Variants in NCKAP5 observed in about 807,000 individuals in gnomAD.
NCKAP5 encodes the protein NCK associated protein 5.
A neutral mutation model predicts 167.0 loss-of-function variants in NCKAP5; 92 were observed. The observed-to-expected ratio is 0.55, with a 90% CI of 0.47 to 0.66. The LOEUF is 0.66. Among genes scored for constraint, NCKAP5 ranks in the 30% least tolerant of loss-of-function variants. The pLI is 0.00. For synonymous variants in NCKAP5, 891 were observed against 877.4 expected (o/e 1.02, Z -0.27); for missense variants, 2,378 against 2,315.0 (o/e 1.03, Z -0.56).
At chr2:132,966,780 A>AT (rs1312781421) in intron 7 of NCKAP5, among the ~76,000 whole-genome samples, 1 of 152,298 alleles carries the variant, frequency 6.6e-6, no homozygotes, top group Admixed American at 6.5e-5. Flanking sequence ...ACACACATGT[A>AT]TTTTATCTGT....
At position 133,554,332 on chromosome 2, in the gene NCKAP5, G is replaced by T. The variant is rs1348425856; in HGVS notation, c.-62+4718C>A. On this transcript the variant is annotated intron_variant, in intron 2 of 19. Transcript: ENST00000409261. Reference sequence around the variant, plus strand: ...TATTCTCAGGTTCTGTCCTCACTTGGGGAGGGAATCGTACAATGGGGACCT... The same window carrying T: ...TATTCTCAGGTTCTGTCCTCACTTGTGGAGGGAATCGTACAATGGGGACCT... The T allele has an allele frequency of 2.0e-5, 3 of 152,164 alleles. No individual in the cohort carries two copies. The East Asian group carries it at 5.8e-4, about 29-fold the overall frequency. The allele number at this position is 152,164 out of a possible 1,614,324, so 9.4% of individuals were successfully genotyped here.
At chr2:132,863,757 T>C (rs538092324) in intron 10 of NCKAP5, among the ~76,000 whole-genome samples, 1 of 152,302 alleles carries the variant, frequency 6.6e-6, no homozygotes, top group South Asian at 2.1e-4. Flanking sequence ...GCTTGCGTTG[T>C]TTTTAATATT....
chr2:133,537,769 G>A (rs191594860), intron 2 of NCKAP5, among the ~76,000 whole-genome samples: 3 of 152,008 alleles, frequency 2.0e-5, no homozygotes, highest in Admixed American at 2.0e-4. Flanking sequence ...GACTCATAGG[G>A]TTGTATACAG....
chr2:132,992,946 A>T lies in NCKAP5; in HGVS notation c.429+1206T>A, dbSNP rs545640657. Among the ~76,000 whole-genome samples the T allele has an allele frequency of 1.2e-4, 18 of 151,662 alleles. No individual in the cohort carries two copies. In the East Asian group the frequency reaches 3.3e-3, roughly 28 times the overall value. ...AGATTTCAAGGGTCAACAATTTAGG[A>T]TACAGCCTCGCCTCTTAAGGTTAAC... is the stretch of plus-strand genomic sequence containing the variant. On this transcript the variant is annotated intron_variant, in intron 7 of 19. Transcript: ENST00000409261.
chr2:132,939,101 T>G (rs1192843331), intron 8 of NCKAP5, among the ~76,000 whole-genome samples: 2 of 152,224 alleles, frequency 1.3e-5, no homozygotes, highest in Non-Finnish European at 2.9e-5. Flanking sequence ...TTTACTGGCT[T>G]CCTCATTTGT....
chr2:133,060,892 C>T (rs553270741), intron 6 of NCKAP5, among the ~76,000 whole-genome samples: 5 of 152,140 alleles, frequency 3.3e-5, no homozygotes, highest in African/African-American at 9.6e-5. Context: ...TGCTCTCCTC[C>T]CCTCACTGAT....
chr2:133,519,537 G>T (rs1684303595), intron 2 of NCKAP5, among the ~76,000 whole-genome samples: 1 of 152,126 alleles, frequency 6.6e-6, no homozygotes, highest in Non-Finnish European at 1.5e-5. Context: ...ACCCTCTGCA[G>T]TGATGAACCA....
chr2:133,573,621 T>G, the NCKAP5 span, among the ~76,000 whole-genome samples: 1 of 152,188 alleles, frequency 6.6e-6, no homozygotes, highest in Non-Finnish European at 1.5e-5. Flanking sequence ...AGGCTCTTCA[T>G]GAAAGGCCCT....
intron 6 of NCKAP5, among the ~76,000 whole-genome samples, chr2:133,036,167 C>T (rs765149543): frequency 4.6e-5 from 7 of 151,734 alleles, no homozygotes; most frequent in East Asian, 1.9e-4. Flanking sequence ...ATAACAAGAT[C>T]GATGCCACAA....
chr2:133,508,973 C>A (rs528531260), intron 3 of NCKAP5, among the ~76,000 whole-genome samples: 1 of 152,128 alleles, frequency 6.6e-6, no homozygotes, highest in South Asian at 2.1e-4. Context: ...GTGATCTCAG[C>A]GACAACAAGG....
chr2:133,204,184 G>T (rs963901960), intron 5 of NCKAP5, among the ~76,000 whole-genome samples: 2 of 151,864 alleles, frequency 1.3e-5, no homozygotes, highest in African/African-American at 4.8e-5. Context: ...CTTTTCTGAT[G>T]GTATTATGGT....
At chr2:133,245,134 C>A (rs2087911794) in intron 4 of NCKAP5, among the ~76,000 whole-genome samples, 1 of 151,978 alleles carries the variant, frequency 6.6e-6, no homozygotes. Flanking sequence ...CGTGTATACC[C>A]AAGAGCCAAC....
intron 5 of NCKAP5, among the ~76,000 whole-genome samples, chr2:133,163,024 C>T (rs1191908431): frequency 2.0e-5 from 3 of 152,124 alleles, no homozygotes; most frequent in Non-Finnish European, 4.4e-5. Flanking sequence ...CTCCAATATT[C>T]AGTTGCATGT....
chr2:132,800,995 T>A (rs1684988399), intron 11 of NCKAP5, among the ~76,000 whole-genome samples: 1 of 152,116 alleles, frequency 6.6e-6, no homozygotes. Flanking sequence ...TCCTTTACAG[T>A]CAGGTGTGCC....
intron 6 of NCKAP5, among the ~76,000 whole-genome samples, chr2:132,999,471 C>G (rs1298011500): frequency 6.6e-6 from 1 of 152,140 alleles, no homozygotes; most frequent in Non-Finnish European, 1.5e-5. Context: ...GATCTGTTTC[C>G]AGTGTCTCAA....
intron 4 of NCKAP5, among the ~76,000 whole-genome samples, chr2:133,272,953 T>C (rs2089582900): frequency 6.6e-6 from 1 of 152,242 alleles, no homozygotes; most frequent in African/African-American, 2.4e-5. Context: ...CATTCATCAG[T>C]TAATGGGCAT....
intron 6 of NCKAP5, among the ~76,000 whole-genome samples, chr2:133,099,713 C>T (rs568385810): frequency 1.3e-5 from 2 of 152,332 alleles, no homozygotes; most frequent in East Asian, 1.9e-4. Flanking sequence ...CTTCATCCCA[C>T]ACTCCCCTAT....
intron 11 of NCKAP5, among the ~76,000 whole-genome samples, chr2:132,803,128 A>G (rs1488085519): frequency 6.6e-6 from 1 of 152,218 alleles, no homozygotes; most frequent in Non-Finnish European, 1.5e-5. Context: ...GGCTACAAAG[A>G]TAAAACATAA....
At chr2:133,009,312 A>G (rs78122795) in intron 6 of NCKAP5, among the ~76,000 whole-genome samples, 2,367 of 152,242 alleles carry the variant, frequency 0.016, 64 homozygotes, top group African/African-American at 0.052. Context: ...ACTATTCTAT[A>G]AGCTCATTAG....
Sources: gnomAD v4.1 joint callset for allele counts (sites outside exome capture counted in the v4.1 genomes callset) on GRCh38, gnomAD v4.1.1 for gene constraint, MANE v1.5 for transcripts, NCBI Gene and HGNC (gene_info 2026-07-23, HGNC 2026-07-21) for gene names.